Variants in NELL2 observed in about 807,000 individuals in gnomAD.
The protein encoded by NELL2 is protein kinase C-binding protein NELL2.
Under a neutral mutation model 109.6 loss-of-function variants are expected in NELL2, and 41 were observed. That is an observed-to-expected ratio of 0.37 (90% CI 0.29 to 0.49). The LOEUF (loss-of-function observed/expected upper bound fraction) is 0.49. Ranked by LOEUF, NELL2 falls within the 20% of genes least tolerant of loss-of-function variation. The pLI, the probability that NELL2 is intolerant of heterozygous loss-of-function variation, is 0.98. For missense variants in NELL2, 900 were observed against 1,008.3 expected (o/e 0.89, Z 1.45); for synonymous variants, 355 against 344.7 (o/e 1.03, Z -0.33).
chr12:44,621,515 C>T (rs886101851), intron 13 of NELL2, among the ~76,000 whole-genome samples: 2 of 152,052 alleles, frequency 1.3e-5, no homozygotes, highest in Non-Finnish European at 2.9e-5. Flanking sequence ...GGATCTGGGG[C>T]CATACTCAAT....
At chr12:44,739,748 G>C (rs185904055) in intron 9 of NELL2, among the ~76,000 whole-genome samples, 4 of 152,126 alleles carry the variant, frequency 2.6e-5, no homozygotes, top group Admixed American at 2.6e-4. Flanking sequence ...AAAATTAGCT[G>C]GGTGTGGTGG....
chr12:44,844,856 C>G (rs76181364), intron 2 of NELL2, among the ~76,000 whole-genome samples: 1,888 of 152,126 alleles, frequency 0.012, 21 homozygotes, highest in Non-Finnish European at 0.016. Flanking sequence ...GGATAATACC[C>G]TGGAAGAGTT....
chr12:44,613,023 A>G (rs1945679171), intron 13 of NELL2, among the ~76,000 whole-genome samples: 1 of 152,052 alleles, frequency 6.6e-6, no homozygotes, highest in Non-Finnish European at 1.5e-5. Flanking sequence ...ACAGTTCTGA[A>G]GGCTTTAAAT....
chr12:44,544,845 T>C (rs960881755), intron 15 of NELL2, among the ~76,000 whole-genome samples: 6 of 152,056 alleles, frequency 3.9e-5, no homozygotes, highest in East Asian at 1.9e-4. Flanking sequence ...CTAATCAGAA[T>C]TGATACTGCA....
At chr12:44,537,170 A>G (rs954644128) in intron 15 of NELL2, among the ~76,000 whole-genome samples, 5 of 152,080 alleles carry the variant, frequency 3.3e-5, no homozygotes, top group African/African-American at 1.2e-4. Context: ...GAGGCAATCA[A>G]CTGACAATGG....
chr12:44,839,271 T>G (rs934420867), intron 2 of NELL2, among the ~76,000 whole-genome samples: 2 of 152,182 alleles, frequency 1.3e-5, no homozygotes, highest in African/African-American at 4.8e-5. Context: ...AATTAAGGCA[T>G]TATAGTCATT....
At chr12:44,874,031 AAC>A (rs1396982861) in intron 2 of NELL2, among the ~76,000 whole-genome samples, 1 of 152,182 alleles carries the variant, frequency 6.6e-6, no homozygotes, top group Non-Finnish European at 1.5e-5. Flanking sequence ...AAGTAAATGT[AAC>A]ACATGTGAAT....
At chr12:44,532,525 A>G (rs762501113) in intron 16 of NELL2, 56 bp downstream of exon 16, 58 of 1,556,534 alleles carry the variant, frequency 3.7e-5, no homozygotes, top group Non-Finnish European at 4.9e-5. Flanking sequence ...AGCTTATGAT[A>G]TATTCCTCAA....
intron 3 of NELL2, among the ~76,000 whole-genome samples, chr12:44,788,122 C>T (rs1290045178): frequency 1.3e-5 from 2 of 151,950 alleles, no homozygotes; most frequent in East Asian, 1.9e-4. Flanking sequence ...AAAAAAAGAA[C>T]GTGGGGAGAA....
At chr12:44,912,658 T>G (rs1945792632) in intron 1 of NELL2, among the ~76,000 whole-genome samples, 1 of 152,170 alleles carries the variant, frequency 6.6e-6, no homozygotes, top group African/African-American at 2.4e-5. Flanking sequence ...TAATAAACTT[T>G]TATTTAGTAC....
chr12:44,617,647 C>G (rs1271142100), intron 13 of NELL2, among the ~76,000 whole-genome samples: 2 of 91,122 alleles, frequency 2.2e-5, no homozygotes, highest in Admixed American at 1.1e-4. Context: ...AGCCGAGATC[C>G]CGCCACTGCA....
chr12:44,526,673 G>A (rs1464157359), intron 16 of NELL2, among the ~76,000 whole-genome samples: 6 of 152,206 alleles, frequency 3.9e-5, no homozygotes, highest in Admixed American at 3.3e-4. Flanking sequence ...CAAGAACGAT[G>A]TATAGATTTC....
At chr12:44,657,439 T>G (rs1464750784) in intron 13 of NELL2, among the ~76,000 whole-genome samples, 1 of 152,188 alleles carries the variant, frequency 6.6e-6, no homozygotes, top group Non-Finnish European at 1.5e-5. Context: ...ATTGAGATTC[T>G]TCACACATTG....
chr12:44,667,945 T>C (rs1947987983), intron 12 of NELL2, among the ~76,000 whole-genome samples: 1 of 152,186 alleles, frequency 6.6e-6, no homozygotes, highest in African/African-American at 2.4e-5. Context: ...GATGGCATTG[T>C]TCCGGAAAGG....
At chr12:44,578,235 T>C (rs1037957912) in intron 15 of NELL2, among the ~76,000 whole-genome samples, 4 of 152,110 alleles carry the variant, frequency 2.6e-5, no homozygotes, top group Non-Finnish European at 5.9e-5. Context: ...CCTTTCCATT[T>C]TGTAAACATC....
At chr12:44,855,847 A>T (rs562900595) in intron 2 of NELL2, among the ~76,000 whole-genome samples, 2 of 152,276 alleles carry the variant, frequency 1.3e-5, no homozygotes, top group East Asian at 3.9e-4. Flanking sequence ...TCTCAGGATA[A>T]TTTGGAGTTA....
intron 3 of NELL2, among the ~76,000 whole-genome samples, chr12:44,807,937 G>C (rs1047270051): frequency 6.6e-6 from 1 of 152,058 alleles, no homozygotes. Flanking sequence ...GAAGAGAGTA[G>C]ATGTGAAGGA....
At chr12:44,577,306 G>C (rs1367742784) in intron 15 of NELL2, among the ~76,000 whole-genome samples, 1 of 120,200 alleles carries the variant, frequency 8.3e-6, no homozygotes, top group African/African-American at 3.2e-5. Flanking sequence ...GTGATGATGA[G>C]CATTTTTTCA....
At chr12:44,767,295 T>C (rs1941373132) in intron 9 of NELL2, among the ~76,000 whole-genome samples, 1 of 152,228 alleles carries the variant, frequency 6.6e-6, no homozygotes, top group Non-Finnish European at 1.5e-5. Flanking sequence ...TGCCATTTTC[T>C]TGTCAAGGTT....
Sources: gnomAD v4.1 joint callset for allele counts (sites outside exome capture counted in the v4.1 genomes callset) on GRCh38, gnomAD v4.1.1 for gene constraint, MANE v1.5 for transcripts, NCBI Gene and HGNC (gene_info 2026-07-23, HGNC 2026-07-21) for gene names.